BBOX1: variants seen among roughly 807,000 people sequenced by gnomAD.
BBOX1 encodes gamma-butyrobetaine hydroxylase 1.
BBOX1 carries 35 observed loss-of-function variants against 41.6 expected under a neutral mutation model. That is an observed-to-expected ratio of 0.84 (90% CI 0.64 to 1.11). The LOEUF is 1.11. Among genes scored for constraint, BBOX1 ranks in the 50% most tolerant of loss-of-function variants. The pLI is 0.00. For missense variants in BBOX1, 458 were observed against 460.6 expected (o/e 0.99, Z 0.05); for synonymous variants, 163 against 154.7 (o/e 1.05, Z -0.40).
chr11:27,072,930 C>T (rs1254068401), intron 4 of BBOX1, among the ~76,000 whole-genome samples: 1 of 152,186 alleles, frequency 6.6e-6, no homozygotes, highest in East Asian at 1.9e-4. Flanking sequence ...GGATTAAAGA[C>T]TTAAATGTTA....
chr11:27,087,714 G>A (rs1858094005), intron 4 of BBOX1, among the ~76,000 whole-genome samples: 1 of 152,034 alleles, frequency 6.6e-6, no homozygotes, highest in African/African-American at 2.4e-5. Context: ...AGCAGCGTCT[G>A]TGAAAGTCAT....
At chr11:27,109,231 T>C (rs529472314) in intron 5 of BBOX1, among the ~76,000 whole-genome samples, 2 of 151,888 alleles carry the variant, frequency 1.3e-5, no homozygotes, top group Non-Finnish European at 2.9e-5. Flanking sequence ...ACTGTAGGAG[T>C]AAATATTGGG....
At chr11:27,068,597 T>C (rs958435376) in intron 4 of BBOX1, among the ~76,000 whole-genome samples, 2 of 152,126 alleles carry the variant, frequency 1.3e-5, no homozygotes, top group African/African-American at 4.8e-5. Context: ...TATTTATGTA[T>C]TTTTGTTTGC....
chr11:27,119,568 T>C lies in BBOX1; in HGVS notation c.640-81T>C, dbSNP rs1040388700. The C allele has an allele frequency of 1.6e-5, 13 of 825,080 alleles. No individual in the cohort carries two copies. The African/African-American group carries it at 1.8e-4, about 11-fold the overall frequency. The allele number at this position is 825,080 out of a possible 1,614,324, so 51.1% of individuals were successfully genotyped here. A position where few individuals can be genotyped will look rare whatever the true frequency, so the allele number is the denominator to read the frequency against. On this transcript the variant is annotated intron_variant, in intron 6 of 8. Transcript: ENST00000263182. ...GTGCATGTATATTATTTTATTTTAT[T>C]ATTTATTTTATTGAAGATTAATTCT...
In BBOX1 at chr11:27,115,623, T is replaced by G. The variant is rs938964409; in HGVS notation, c.639+66T>G. 2.0e-5 allele frequency: 28 copies of G among 1,380,090 alleles called. No homozygotes were observed. The African/African-American group carries it at 3.5e-4, about 17-fold the overall frequency. 85.5% of individuals were successfully genotyped at this position (1,380,090 alleles called of 1,614,324 possible). The stretch of plus-strand genomic sequence containing the variant: ...GACCAGTATCTTTTCGTATTTTGAG[T>G]CTAGAAGATTACACATTTCACCAGG... On this transcript the variant is annotated intron_variant, in intron 6 of 8. Transcript: ENST00000263182.
chr11:27,069,243 G>A (rs1013866956), intron 4 of BBOX1, among the ~76,000 whole-genome samples: 11 of 152,062 alleles, frequency 7.2e-5, no homozygotes, highest in South Asian at 2.1e-4. Context: ...TTTGTGTCAC[G>A]TATGATTTCT....
intron 7 of BBOX1, among the ~76,000 whole-genome samples, chr11:27,120,764 T>C (rs984483675): frequency 1.3e-5 from 2 of 152,072 alleles, no homozygotes; most frequent in African/African-American, 4.8e-5. Context: ...AATTTTTCTA[T>C]TAAGAGAAAC....
At chr11:27,079,801 C>G (rs1325344275) in intron 4 of BBOX1, among the ~76,000 whole-genome samples, 1 of 152,094 alleles carries the variant, frequency 6.6e-6, no homozygotes, top group Non-Finnish European at 1.5e-5. Flanking sequence ...CATTTTCCAT[C>G]TCAACTGATG....
intron 2 of BBOX1, among the ~76,000 whole-genome samples, chr11:27,052,841 G>T (rs1303510065): frequency 6.6e-6 from 1 of 152,032 alleles, no homozygotes; most frequent in Non-Finnish European, 1.5e-5. Flanking sequence ...TCCGCTTCTT[G>T]CCTAATGGTT....
At chr11:27,110,094 A>G (rs940397160) in intron 5 of BBOX1, among the ~76,000 whole-genome samples, 1 of 151,928 alleles carries the variant, frequency 6.6e-6, no homozygotes. Context: ...CTCATATCCT[A>G]CATCCAATTT....
Position 27,078,326 on chromosome 11 carries a change from C to CT in BBOX1, c.335-14834dup, listed in dbSNP as rs1408836540. On this transcript the variant is annotated intron_variant, in intron 4 of 8. Coordinates refer to ENST00000263182, the MANE Select transcript of BBOX1 (RefSeq NM_003986.3). ...ATGAAAACATACACATTTTTCTTTT[C>CT]TTTTTTTTAATTATACTTTAAGTTT... is the stretch of plus-strand genomic sequence containing the variant. 3.0e-4 allele frequency among the ~76,000 whole-genome samples: 46 copies of CT among 151,834 alleles called. 3 individuals carry two copies. The East Asian group carries it at 3.3e-3, about 11-fold the overall frequency.
intron 2 of BBOX1, among the ~76,000 whole-genome samples, chr11:27,043,459 C>CAGAATGTGCAGGTTTGGGGTATAT (rs1564948369): frequency 6.6e-6 from 1 of 151,306 alleles, no homozygotes; most frequent in Non-Finnish European, 1.5e-5. Flanking sequence ...TTGGGGTACA[C>CAGAATGTGCAGGTTTGGGGTATAT]GTGCAGAATG....
chr11:27,106,666 T>A (rs905110341), intron 5 of BBOX1, among the ~76,000 whole-genome samples: 2 of 152,064 alleles, frequency 1.3e-5, no homozygotes, highest in African/African-American at 4.8e-5. Flanking sequence ...CTGTCAACAT[T>A]AGACAGATCA....
At chr11:27,118,993 C>T (rs1018704949) in intron 6 of BBOX1, among the ~76,000 whole-genome samples, 1 of 151,636 alleles carries the variant, frequency 6.6e-6, no homozygotes, top group African/African-American at 2.4e-5. Context: ...GTTCCGACTA[C>T]ATTACTTTCA....
chr11:27,071,059 G>A (rs1857429421), intron 4 of BBOX1, among the ~76,000 whole-genome samples: 2 of 152,036 alleles, frequency 1.3e-5, no homozygotes, highest in Admixed American at 6.6e-5. Flanking sequence ...CAAAATTCTT[G>A]CCTGACAATT....
At chr11:27,058,175 C>T (rs1268362508) in intron 4 of BBOX1, among the ~76,000 whole-genome samples, 3 of 152,076 alleles carry the variant, frequency 2.0e-5, no homozygotes, top group Admixed American at 1.3e-4. Flanking sequence ...TAGCACTACC[C>T]TCTCTCTCCT....
chr11:27,051,321 G>T (rs1411423147), intron 2 of BBOX1, among the ~76,000 whole-genome samples: 1 of 151,948 alleles, frequency 6.6e-6, no homozygotes, highest in African/African-American at 2.4e-5. Context: ...GTCTGCCTTT[G>T]GTTTGAGGGT....
chr11:27,103,865 T>TTTG (rs1021513265), intron 5 of BBOX1, among the ~76,000 whole-genome samples: 9 of 152,124 alleles, frequency 5.9e-5, no homozygotes, highest in South Asian at 4.1e-4. Context: ...TGTTGTTGTT[T>TTTG]TTGTTGTTGT....
chr11:27,106,036 A>C (rs559715049), intron 5 of BBOX1, among the ~76,000 whole-genome samples: 1 of 152,242 alleles, frequency 6.6e-6, no homozygotes, highest in Admixed American at 6.5e-5. Flanking sequence ...CAGACAAGCA[A>C]ATGCTGAGAG....
Sources: gnomAD v4.1 joint callset for allele counts (sites outside exome capture counted in the v4.1 genomes callset) on GRCh38, gnomAD v4.1.1 for gene constraint, MANE v1.5 for transcripts, NCBI Gene and HGNC (gene_info 2026-07-23, HGNC 2026-07-21) for gene names.